The following PRKD3 variants were observed in gnomAD, a reference collection of about 807,000 sequenced individuals.
PRKD3 encodes serine/threonine-protein kinase D3.
In PRKD3, 47 loss-of-function variants were observed where a neutral mutation model predicts 99.2. The ratio of observed to expected loss-of-function variants is 0.47; its 90% CI spans 0.38 to 0.60. PRKD3 has a LOEUF of 0.60. Ranked by LOEUF, PRKD3 falls within the 20% of genes least tolerant of loss-of-function variation. The pLI, the probability that PRKD3 is intolerant of heterozygous loss-of-function variation, is 0.00. For synonymous variants in PRKD3, 392 were observed against 355.4 expected (o/e 1.10, Z -1.16); for missense variants, 1,019 against 1,088.4 (o/e 0.94, Z 0.90).
chr2:37,273,770 C>T (rs1340597728), intron 11 of PRKD3, among the ~76,000 whole-genome samples: 1 of 152,190 alleles, frequency 6.6e-6, no homozygotes, highest in Non-Finnish European at 1.5e-5. Context: ...TATGTGTCCC[C>T]ATAAGCAACA....
At chr2:37,297,723 G>A (rs1164662808) in intron 2 of PRKD3, among the ~76,000 whole-genome samples, 1 of 152,170 alleles carries the variant, frequency 6.6e-6, no homozygotes, top group Admixed American at 6.5e-5. Flanking sequence ...TTTGTCTGAT[G>A]TTCTTTTCAT....
Position 37,316,598 on chromosome 2 carries a change from G to A in PRKD3, c.-74C>T. 1 of 1,527,892 alleles carries A rather than the reference G, an allele frequency of 6.5e-7. No individual in the cohort carries two copies. The highest frequency in any genetic ancestry group is 1.3e-5 in the South Asian group (1 of 75,724). The allele number at this position is 1,527,892 out of a possible 1,614,324, so 94.6% of individuals were successfully genotyped here. ...TTATGAAGAGGTTTTTAAAATAACA[G>A]CAGTAAAGAAAATGACCGCACTTTT... On this transcript the variant is annotated 5_prime_UTR_variant, in exon 2 of 19. Transcript: ENST00000234179.
intron 6 of PRKD3, 39 bp from the exon 7 acceptor site, chr2:37,282,658 G>T: frequency 7.3e-7 from 1 of 1,367,332 alleles, no homozygotes; most frequent in Non-Finnish European, 1.0e-6. Context: ...TTATGTAAAA[G>T]TCAAGCAGTA....
intron 17 of PRKD3, among the ~76,000 whole-genome samples, chr2:37,254,694 T>C (rs1667795940): frequency 6.6e-6 from 1 of 152,122 alleles, no homozygotes; most frequent in South Asian, 2.1e-4. Flanking sequence ...GTATTAACTA[T>C]TATTATTTGA....
Position 37,286,350 on chromosome 2 carries a change from G to C in PRKD3, c.737C>G (p.Pro246Arg). The change falls in exon 6 of 19, where the codon CCA becomes CGA. Residue 246 changes from proline (P) to arginine (R), a missense_variant. By Grantham distance (103) the Pro-to-Arg change is moderately radical. This residue lies in a region of PRKD3 where 710 missense variants were observed against 692.7 expected (regional missense o/e 1.02). Transcript: ENST00000234179. Reference protein sequence around the residue: ...PSEESHVHQEPSKRIPSWSGR... With the variant: ...PSEESHVHQERSKRIPSWSGR... ...ACTCCAAGAAGGAATTCTCTTACTT[G>C]GTTCCTGGTGGACATGTGACTATAA... is the stretch of plus-strand genomic sequence containing the variant. 10 of 1,613,760 alleles carry C rather than the reference G, an allele frequency of 6.2e-6. No individual in the cohort carries two copies. Among genetic ancestry groups the C allele is most frequent in the Non-Finnish European group, 8.5e-6 (10 of 1,179,804 alleles).
At chr2:37,320,346 T>G (rs149768808) in intron 1 of PRKD3, among the ~76,000 whole-genome samples, 6 of 151,156 alleles carry the variant, frequency 4.0e-5, no homozygotes, top group African/African-American at 1.5e-4. Flanking sequence ...GTATCTGACT[T>G]AAGTAGTTTT....
At chr2:37,303,092 C>G (rs1489070120) in intron 2 of PRKD3, among the ~76,000 whole-genome samples, 2 of 152,144 alleles carry the variant, frequency 1.3e-5, no homozygotes, top group African/African-American at 4.8e-5. Flanking sequence ...AGAGAAGCAG[C>G]TTGACTGGAG....
At chr2:37,308,790 T>C (rs957598939) in intron 2 of PRKD3, among the ~76,000 whole-genome samples, 3 of 151,632 alleles carry the variant, frequency 2.0e-5, no homozygotes, top group African/African-American at 7.3e-5. Flanking sequence ...ATGTTAATGT[T>C]CCTTCAACTG....
intron 2 of PRKD3, among the ~76,000 whole-genome samples, chr2:37,304,346 G>A (rs943300485): frequency 6.6e-6 from 1 of 152,054 alleles, no homozygotes; most frequent in African/African-American, 2.4e-5. Flanking sequence ...TCTAAATACA[G>A]ACATAAGGAC....
chr2:37,323,921 C>G (rs1457744364), intron 1 of PRKD3, among the ~76,000 whole-genome samples: 1 of 152,156 alleles, frequency 6.6e-6, no homozygotes, highest in Non-Finnish European at 1.5e-5. Flanking sequence ...GTCGGCAGGT[C>G]GCGCGCACAC....
chr2:37,300,291 T>G (rs924574708), intron 2 of PRKD3, among the ~76,000 whole-genome samples: 2 of 152,126 alleles, frequency 1.3e-5, no homozygotes, highest in Admixed American at 6.6e-5. Flanking sequence ...AAGTATTGCA[T>G]GTTCTCACTT....
At chr2:37,259,184 ATACTC>A (rs1668219519) in intron 16 of PRKD3, among the ~76,000 whole-genome samples, 2 of 152,330 alleles carry the variant, frequency 1.3e-5, no homozygotes, top group South Asian at 2.1e-4. Flanking sequence ...TTTGAATACA[ATACTC>A]TACATAGAAA....
At position 37,296,824 on chromosome 2, in the gene PRKD3, C is replaced by T. The variant is rs1484283803; in HGVS notation, c.289-3553G>A. Among the ~76,000 whole-genome samples the T allele has an allele frequency of 4.1e-5, 6 of 145,604 alleles. No homozygotes were observed. In the Admixed American group the frequency reaches 4.4e-4, roughly 11 times the overall value. ...CTGAGGCAGGAGAACGGCGTGAACC[C>T]GGGAGGCGGAGGTTGTAGTGAGCTG... On this transcript the variant is annotated intron_variant, in intron 2 of 18. Coordinates refer to ENST00000234179, the MANE Select transcript of PRKD3 (RefSeq NM_005813.6).
chr2:37,278,920 G>A (rs1289523514), intron 8 of PRKD3: 1 of 139,852 alleles, frequency 7.2e-6, no homozygotes, highest in Non-Finnish European at 1.5e-5. Flanking sequence ...TGGCGACAGG[G>A]CGAGACTCTG....
rs773647940 is a variant in PRKD3, at chr2:37,256,683, A to G, written c.2392T>C (p.Trp798Arg). Residue 798 changes from tryptophan to arginine, a missense_variant, in exon 17 of 19, where the codon TGG becomes CGG. By Grantham distance (101) the Trp-to-Arg change is moderately radical. Transcript: ENST00000234179. ...NAAFMYPPNP[W>R]REISGEAIDL... is the part of the protein sequence containing the mutation. ...TTACCTTCACCAGAAATTTCTCTCC[A>G]TGGATTTGGTGGGTACATAAATGCA... The G allele has an allele frequency of 1.6e-6, 2 of 1,283,868 alleles. No individual in the cohort carries two copies. Among genetic ancestry groups the G allele is most frequent in the Admixed American group, 2.3e-5 (1 of 44,250 alleles). 79.5% of individuals were successfully genotyped at this position (1,283,868 alleles called of 1,614,324 possible). A position where few individuals can be genotyped will look rare whatever the true frequency, so the allele number is the denominator to read the frequency against.
chr2:37,317,491 A>T (rs1671715297), intron 1 of PRKD3, among the ~76,000 whole-genome samples: 1 of 151,876 alleles, frequency 6.6e-6, no homozygotes, highest in Non-Finnish European at 1.5e-5. Context: ...CAATTACATG[A>T]CTGAGTTATA....
At chr2:37,283,351 T>TCTAA (rs3841781) in intron 6 of PRKD3, among the ~76,000 whole-genome samples, 57,391 of 151,738 alleles carry the variant, frequency 0.38, 12,537 homozygotes, top group African/African-American at 0.56. Flanking sequence ...GACCCACTGG[T>TCTAA]CTATGTCTAA....
In PRKD3 at chr2:37,286,129, T is replaced by A. The variant is rs757689735; in HGVS notation, c.910+48A>T. ...ATAAATATTTTAAGCCTATATATAA[T>A]AACAAAAACAGACATAAATTTTAAT... On this transcript the variant is annotated intron_variant, in intron 6 of 18. Coordinates refer to ENST00000234179, the MANE Select transcript of PRKD3 (RefSeq NM_005813.6). 4 of 1,434,830 alleles carry A rather than the reference T, an allele frequency of 2.8e-6. No individual in the cohort carries two copies. The African/African-American group carries it at 4.3e-5, about 15-fold the overall frequency. The allele number at this position is 1,434,830 out of a possible 1,614,324, so 88.9% of individuals were successfully genotyped here. A position where few individuals can be genotyped will look rare whatever the true frequency, so the allele number is the denominator to read the frequency against.
intron 1 of PRKD3, among the ~76,000 whole-genome samples, chr2:37,322,231 TG>T (rs1176812704): frequency 3.9e-5 from 6 of 152,266 alleles, no homozygotes; most frequent in Admixed American, 1.3e-4. Flanking sequence ...TAATTGTTCT[TG>T]CTTTTATATT....
Sources: gnomAD v4.1 joint callset for allele counts (sites outside exome capture counted in the v4.1 genomes callset) on GRCh38, gnomAD v4.1.1 for gene constraint, gnomAD v4.1.1 regional missense constraint, MANE v1.5 for transcripts, NCBI Gene and HGNC (gene_info 2026-07-23, HGNC 2026-07-21) for gene names.